The following MAN2C1 variants were observed in gnomAD, a reference collection of about 807,000 sequenced individuals.
MAN2C1 encodes mannosidase alpha class 2C member 1.
Under a neutral mutation model 126.9 loss-of-function variants are expected in MAN2C1, and 111 were observed. The ratio of observed to expected loss-of-function variants is 0.87; its 90% CI spans 0.75 to 1.02. The LOEUF (loss-of-function observed/expected upper bound fraction) is 1.02, where lower values mean the gene tolerates loss of function less well. Ranked by LOEUF, MAN2C1 falls within the 50% of genes least tolerant of loss-of-function variation. The pLI, the probability that MAN2C1 is intolerant of heterozygous loss-of-function variation, is 0.00. For synonymous variants in MAN2C1, 567 were observed against 561.5 expected (o/e 1.01, Z -0.14); for missense variants, 1,363 against 1,364.4 (o/e 1.00, Z 0.02).
Position 75,361,855 on chromosome 15 carries a change from C to T in MAN2C1, c.1101G>A (p.Glu367=). 6.2e-7 allele frequency: 1 copy of T among 1,614,004 alleles called. No individual in the cohort carries two copies. Among genetic ancestry groups the T allele is most frequent in the South Asian group, 1.1e-5 (1 of 91,074 alleles). ...CCTGGTGTAGCAGCTCTCAGCCTAC[C>T]TCAGAGCACATCTTCCCAAACTCCT... ...FLQEFGKMCS[E]FWLPDTFGYS... is the part of the protein sequence containing the mutation. Residue 367 remains glutamate, a splice_region_variant and synonymous_variant, in exon 9 of 26, where the codon GAG becomes GAA. Transcript: ENST00000267978. This position sits in a 1 kb window ranked among gnomAD's most constrained non-coding sequence, Gnocchi z 5.0.
In MAN2C1 at chr15:75,358,464, C is replaced by G. The variant is rs759387214; in HGVS notation, c.2401G>C (p.Glu801Gln). Reference sequence around the variant, plus strand: ...GCCACCCCCTACCCCCCGACTACCTCGGTGTGGAAGCGGACATAGGGGCAG... The same window carrying G: ...GCCACCCCCTACCCCCCGACTACCTGGGTGTGGAAGCGGACATAGGGGCAG... Reference protein sequence around the residue: ...VGCPYVRFHTEVHWHEAHKFL... With the variant: ...VGCPYVRFHTQVHWHEAHKFL... The change falls in exon 20 of 26, where the codon GAG becomes CAG. Residue 801 changes from glutamate (E) to glutamine (Q), a missense_variant and splice_region_variant. Physicochemically the swap from Glu to Gln is conservative, Grantham distance 29. Transcript: ENST00000267978. The G allele has an allele frequency of 6.2e-7, 1 of 1,613,538 alleles. No homozygotes were observed. Among genetic ancestry groups the G allele is most frequent in the South Asian group, 1.1e-5 (1 of 91,086 alleles).
In MAN2C1 at chr15:75,356,941, C is replaced by T. The variant is rs763158437; in HGVS notation, c.2548-39G>A. Reference sequence around the variant, plus strand: ...CCAAGACCCACTTGGTGGCCCTGTGCCCCTCTTTGTGCTCCCAGACTCCAG... The same window carrying T: ...CCAAGACCCACTTGGTGGCCCTGTGTCCCTCTTTGTGCTCCCAGACTCCAG... On this transcript the variant is annotated intron_variant, in intron 21 of 25. Transcript: ENST00000267978. This position sits in a 1 kb window ranked among gnomAD's most constrained non-coding sequence, Gnocchi z 5.8. 6.4e-7 allele frequency: 1 copy of T among 1,554,726 alleles called. No homozygotes were observed. Among genetic ancestry groups the T allele is most frequent in the South Asian group, 1.1e-5 (1 of 89,622 alleles).
chr15:75,359,605 C>T lies in MAN2C1; in HGVS notation c.1948+15G>A, dbSNP rs1485780918. ...CCTTCCTGCTGCAGTAGCAACCCTTCCCCTCAGCTCGTACCTAGGCTGTGG... is the reference window on the plus strand; with the variant it reads ...CCTTCCTGCTGCAGTAGCAACCCTTTCCCTCAGCTCGTACCTAGGCTGTGG... On this transcript the variant is annotated intron_variant, in intron 16 of 25. Transcript: ENST00000267978. 2.5e-6 allele frequency: 4 copies of T among 1,612,664 alleles called. No homozygotes were observed.
chr15:75,359,289 C>A, intron 17 of MAN2C1, 39 bp downstream of exon 17: 1 of 1,579,386 alleles, frequency 6.3e-7, no homozygotes, highest in South Asian at 1.2e-5. Context: ...AGAAAGTATC[C>A]CAGCACAGTT....
At position 75,356,400 on chromosome 15, in the gene MAN2C1, G is replaced by T. The variant is rs781613009; in HGVS notation, c.2787C>A (p.Phe929Leu). 1 of 1,610,768 alleles carries T rather than the reference G, an allele frequency of 6.2e-7. No homozygotes were observed. Among genetic ancestry groups the T allele is most frequent in the Admixed American group, 1.7e-5 (1 of 59,476 alleles). Residue 929 changes from phenylalanine (F) to leucine (L), a missense_variant, in exon 24 of 26, where the codon TTC (phenylalanine) becomes TTA (leucine). Transcript: ENST00000267978. The surrounding 1 kb of genome is among the most constrained non-coding windows in gnomAD (Gnocchi z 5.8). Reference protein sequence around the residue: ...GVIQAAYSLNFPLLALPAPSP... With the variant: ...GVIQAAYSLNLPLLALPAPSP... Reference sequence around the variant, plus strand: ...TGGGGGCTGGCAGAGCCAACAGGGGGAAGTTTAGGCTGTAGGCAGCTTGGA... The same window carrying T: ...TGGGGGCTGGCAGAGCCAACAGGGGTAAGTTTAGGCTGTAGGCAGCTTGGA...
chr15:75,356,280 C>T lies in MAN2C1; in HGVS notation c.2886+21G>A, dbSNP rs560887393. On this transcript the variant is annotated intron_variant, in intron 24 of 25. Coordinates refer to ENST00000267978, the MANE Select transcript of MAN2C1 (RefSeq NM_006715.4). The surrounding 1 kb of genome is among the most constrained non-coding windows in gnomAD (Gnocchi z 5.8). ...GCAGGCCCAGTTCGGAACCCCGTCC[C>T]CAGCACGTCCCACCCCTTGCCTGCT... is the stretch of plus-strand genomic sequence containing the variant. The T allele has an allele frequency of 2.5e-6, 4 of 1,611,742 alleles. No individual in the cohort carries two copies. The Admixed American group carries it at 6.7e-5, about 27-fold the overall frequency.
At position 75,362,026 on chromosome 15, in the gene MAN2C1, C is replaced by A; in HGVS notation, c.1009-79G>T. The A allele has an allele frequency of 1.2e-5, 13 of 1,092,180 alleles. No individual in the cohort carries two copies. Among genetic ancestry groups the A allele is most frequent in the Non-Finnish European group, 1.7e-5 (12 of 712,298 alleles). 67.7% of individuals were successfully genotyped at this position (1,092,180 alleles called of 1,614,324 possible). Reference sequence around the variant, plus strand: ...GCAGGCGCTCAGGCCAACCCAATCCCTGCAGGAGAAGCCAGGGCTGCTCAA... The same window carrying A: ...GCAGGCGCTCAGGCCAACCCAATCCATGCAGGAGAAGCCAGGGCTGCTCAA... On this transcript the variant is annotated intron_variant, in intron 8 of 25. Transcript: ENST00000267978. This position sits in a 1 kb window ranked among gnomAD's most constrained non-coding sequence, Gnocchi z 4.5.
At chr15:75,360,785 A>G (rs1322327437) in intron 12 of MAN2C1, 97 bp from the exon 13 acceptor site, 3 of 1,492,954 alleles carry the variant, frequency 2.0e-6, no homozygotes, top group South Asian at 1.2e-5. Context: ...TACAGAGAGG[A>G]GCCACTCCAG....
rs758684903 is a variant in MAN2C1 at position 75,362,622 on chromosome 15, C to T, written c.897+20G>A. The T allele has an allele frequency of 2.5e-5, 41 of 1,612,440 alleles. No individual in the cohort carries two copies. Among genetic ancestry groups the T allele is most frequent in the Non-Finnish European group, 2.0e-5 (24 of 1,178,870 alleles). ...GGAGGGCCACGTGCTTCCCTCCTCC[C>T]TCACAGCTGTCCCTCTGACCTGGGA... is the stretch of plus-strand genomic sequence containing the variant. On this transcript the variant is annotated intron_variant, in intron 7 of 25. Coordinates refer to ENST00000267978, the MANE Select transcript of MAN2C1 (RefSeq NM_006715.4). The surrounding 1 kb of genome is among the most constrained non-coding windows in gnomAD (Gnocchi z 4.5).
rs1365776920 is a variant in MAN2C1, at chr15:75,360,872, C to G, written c.1460+174G>C. On this transcript the variant is annotated intron_variant, in intron 12 of 25. Coordinates refer to ENST00000267978, the MANE Select transcript of MAN2C1 (RefSeq NM_006715.4). ...CTCTCTGATGGGCTGGAGCCCTTAC[C>G]AGCTTCAGCTTCTCCCCCACCCACC... The G allele has an allele frequency of 2.6e-6, 3 of 1,151,446 alleles. No individual in the cohort carries two copies. The Admixed American group carries it at 8.4e-5, about 32-fold the overall frequency. The allele number at this position is 1,151,446 out of a possible 1,614,324, so 71.3% of individuals were successfully genotyped here. A position where few individuals can be genotyped will look rare whatever the true frequency, so the allele number is the denominator to read the frequency against.
At position 75,363,917 on chromosome 15, in the gene MAN2C1, AT is replaced by A. The variant is rs2072525834; in HGVS notation, c.790+81del. ...CAAGAGGAGCAAGAACTTGCTGAGC[AT>A]CACACAGTGCTTCTAGGGCACATCC... On this transcript the variant is annotated intron_variant, in intron 6 of 25. Transcript: ENST00000267978. The A allele has an allele frequency of 1.8e-5, 27 of 1,482,972 alleles. No individual in the cohort carries two copies. The South Asian group carries it at 3.1e-4, about 17-fold the overall frequency. 91.9% of individuals were successfully genotyped at this position (1,482,972 alleles called of 1,614,324 possible).
intron 3 of MAN2C1, among the ~76,000 whole-genome samples, chr15:75,366,875 TG>T (rs924628088): frequency 1.1e-4 from 16 of 152,220 alleles, no homozygotes; most frequent in Admixed American, 3.3e-4. Flanking sequence ...GTGTGGATTC[TG>T]GTGGCCTCTG....
chr15:75,364,911 G>T (rs891886481), intron 4 of MAN2C1, among the ~76,000 whole-genome samples: 1 of 152,244 alleles, frequency 6.6e-6, no homozygotes, highest in African/African-American at 2.4e-5. Context: ...AAAGTACGCT[G>T]CTGTTTAGTC....
chr15:75,362,562 G>A lies in MAN2C1; in HGVS notation c.897+80C>T. 6.5e-7 allele frequency: 1 copy of A among 1,544,738 alleles called. No homozygotes were observed. The highest frequency in any genetic ancestry group is 8.9e-7 in the Non-Finnish European group (1 of 1,126,562). On this transcript the variant is annotated intron_variant, in intron 7 of 25. Coordinates refer to ENST00000267978, the MANE Select transcript of MAN2C1 (RefSeq NM_006715.4). The surrounding 1 kb of genome is among the most constrained non-coding windows in gnomAD (Gnocchi z 4.5). ...AGGGTGAGGAGCAGCCCTGACCCCA[G>A]GCCTGGGAAGCCTTCAGGGCCTGTG... is the stretch of plus-strand genomic sequence containing the variant.
At chr15:75,360,864 G>A in intron 12 of MAN2C1, 176 bp from the exon 13 acceptor site, 1 of 1,142,078 alleles carries the variant, frequency 8.8e-7, no homozygotes, top group Non-Finnish European at 1.2e-6. Context: ...ATGGGCTGGA[G>A]CCCTTACCAG....
Position 75,362,051 on chromosome 15 carries a change from A to G in MAN2C1, c.1009-104T>C. On this transcript the variant is annotated intron_variant, in intron 8 of 25. Coordinates refer to ENST00000267978, the MANE Select transcript of MAN2C1 (RefSeq NM_006715.4). This position sits in a 1 kb window ranked among gnomAD's most constrained non-coding sequence, Gnocchi z 4.5. The stretch of plus-strand genomic sequence containing the variant: ...CTGCAGGAGAAGCCAGGGCTGCTCA[A>G]ACATGGGAGTTACAGCCAGAACTCA... The G allele has an allele frequency of 1.1e-6, 1 of 884,236 alleles. No individual in the cohort carries two copies. Among genetic ancestry groups the G allele is most frequent in the African/African-American group, 1.6e-5 (1 of 60,742 alleles). The allele number at this position is 884,236 out of a possible 1,614,324, so 54.8% of individuals were successfully genotyped here. A position where few individuals can be genotyped will look rare whatever the true frequency, so the allele number is the denominator to read the frequency against.
chr15:75,366,680 A>G, intron 3 of MAN2C1, 88 bp from the exon 4 acceptor site: 3 of 967,672 alleles, frequency 3.1e-6, no homozygotes, highest in Non-Finnish European at 4.6e-6. Flanking sequence ...AGGCCCCTCC[A>G]TCTGGTTCCC....
Position 75,356,691 on chromosome 15 carries a change from G to A in MAN2C1, c.2658-6C>T, listed in dbSNP as rs1371834392. ...GGGCTTTAGGCGCCCGCAAGCTGGGGTGAGGAGGGCGCGTAGGGGCCACGC... is the reference window on the plus strand; with the variant it reads ...GGGCTTTAGGCGCCCGCAAGCTGGGATGAGGAGGGCGCGTAGGGGCCACGC... On this transcript the variant is annotated splice_region_variant and splice_polypyrimidine_tract_variant and intron_variant, in intron 22 of 25. Transcript: ENST00000267978. The surrounding 1 kb of genome is among the most constrained non-coding windows in gnomAD (Gnocchi z 5.8). 1.9e-6 allele frequency: 3 copies of A among 1,602,046 alleles called. No individual in the cohort carries two copies. Among genetic ancestry groups the A allele is most frequent in the African/African-American group, 1.3e-5 (1 of 74,626 alleles).
intron 6 of MAN2C1, 26 bp downstream of exon 6, chr15:75,363,973 G>T: frequency 6.3e-7 from 1 of 1,592,866 alleles, no homozygotes. Flanking sequence ...TGCTTCCCCA[G>T]CCAGCCCAAC....
Sources: allele counts gnomAD v4.1 joint callset (sites outside exome capture counted in the v4.1 genomes callset), GRCh38; gene constraint gnomAD v4.1.1; non-coding constraint Gnocchi (gnomAD v3.1); transcripts MANE v1.5; gene names NCBI Gene and HGNC (gene_info 2026-07-23, HGNC 2026-07-21).